Variants in CCSER1 observed in about 807,000 individuals in gnomAD.
CCSER1 encodes serine-rich coiled-coil domain-containing protein 1.
CCSER1 carries 41 observed loss-of-function variants against 82.0 expected under a neutral mutation model. The ratio of observed to expected loss-of-function variants is 0.50; its 90% CI spans 0.39 to 0.65. CCSER1 has a LOEUF of 0.65. Ranked by LOEUF, CCSER1 falls within the 30% of genes least tolerant of loss-of-function variation. CCSER1 has a pLI of 0.00. For synonymous variants in CCSER1, 414 were observed against 383.9 expected, an observed-to-expected ratio of 1.08 and a Z score of -0.92; for missense variants, 1,119 against 1,064.2, an observed-to-expected ratio of 1.05 and a Z score of -0.72.
At chr4:91,043,811 C>A (rs1434091347) in intron 9 of CCSER1, among the ~76,000 whole-genome samples, 2 of 152,084 alleles carry the variant, frequency 1.3e-5, no homozygotes, top group Non-Finnish European at 2.9e-5. Context: ...TAGTCTCAAA[C>A]CCCTGACCTC....
intron 6 of CCSER1, among the ~76,000 whole-genome samples, chr4:90,656,546 TTA>T (rs1729737004): frequency 6.6e-6 from 1 of 151,928 alleles, no homozygotes; most frequent in South Asian, 2.1e-4. Context: ...TTGCTCATTT[TTA>T]TATGTCTCTA....
At chr4:90,589,910 A>G (rs1424259144) in intron 5 of CCSER1, among the ~76,000 whole-genome samples, 1 of 152,216 alleles carries the variant, frequency 6.6e-6, no homozygotes, top group Non-Finnish European at 1.5e-5. Context: ...ACTTCAGATC[A>G]CTGGAATATC....
intron 8 of CCSER1, among the ~76,000 whole-genome samples, chr4:90,839,505 C>G (rs576648329): frequency 6.6e-6 from 1 of 152,282 alleles, no homozygotes; most frequent in East Asian, 1.9e-4. Flanking sequence ...TTCATTGTTG[C>G]ATCGTACCCA....
intron 10 of CCSER1, among the ~76,000 whole-genome samples, chr4:91,262,092 A>G (rs932838927): frequency 6.6e-6 from 1 of 152,100 alleles, no homozygotes; most frequent in Non-Finnish European, 1.5e-5. Flanking sequence ...TAATATATAA[A>G]AAGTACTTAT....
intron 8 of CCSER1, among the ~76,000 whole-genome samples, chr4:90,916,207 G>A (rs1178203302): frequency 6.6e-6 from 1 of 152,074 alleles, no homozygotes; most frequent in East Asian, 1.9e-4. Context: ...GCATTGCCAA[G>A]TCAATCCTAA....
chr4:90,342,013 A>G (rs1214258738), intron 3 of CCSER1, among the ~76,000 whole-genome samples: 1 of 152,180 alleles, frequency 6.6e-6, no homozygotes, highest in Admixed American at 6.5e-5. Flanking sequence ...CCCTTGAGGT[A>G]CCGAAAATCT....
At chr4:90,884,270 T>G (rs907578782) in intron 8 of CCSER1, among the ~76,000 whole-genome samples, 2 of 152,154 alleles carry the variant, frequency 1.3e-5, no homozygotes, top group Non-Finnish European at 1.5e-5. Context: ...TCTACAAAAG[T>G]ATTTATTTTA....
intron 4 of CCSER1, among the ~76,000 whole-genome samples, chr4:90,417,580 T>A (rs1252817879): frequency 2.0e-5 from 3 of 152,166 alleles, no homozygotes; most frequent in Non-Finnish European, 2.9e-5. Context: ...ATTTATTTAG[T>A]ATATTAGATC....
At chr4:91,076,062 T>C (rs767502736) in intron 9 of CCSER1, among the ~76,000 whole-genome samples, 1 of 152,166 alleles carries the variant, frequency 6.6e-6, no homozygotes, top group African/African-American at 2.4e-5. Flanking sequence ...ATCATAGAAT[T>C]AATGAATCTT....
intron 10 of CCSER1, among the ~76,000 whole-genome samples, chr4:91,253,653 A>G (rs1245243362): frequency 2.6e-5 from 4 of 152,198 alleles, no homozygotes; most frequent in Non-Finnish European, 4.4e-5. Context: ...TAAACAAGAT[A>G]TAACAATTAT....
At chr4:90,963,793 G>T (rs1734272794) in intron 9 of CCSER1, among the ~76,000 whole-genome samples, 2 of 152,102 alleles carry the variant, frequency 1.3e-5, no homozygotes, top group South Asian at 4.1e-4. Flanking sequence ...GTATTTTGTT[G>T]TGGCTGCCTT....
At chr4:90,649,013 T>C (rs1728232887) in intron 6 of CCSER1, among the ~76,000 whole-genome samples, 1 of 152,192 alleles carries the variant, frequency 6.6e-6, no homozygotes, top group African/African-American at 2.4e-5. Context: ...CGATAAGGCT[T>C]GACAGCTTTG....
chr4:91,037,467 A>C (rs1398888444), intron 9 of CCSER1, among the ~76,000 whole-genome samples: 2 of 152,168 alleles, frequency 1.3e-5, no homozygotes, highest in African/African-American at 4.8e-5. Context: ...GGATTGGAGG[A>C]CAAAGCAATC....
At chr4:90,738,789 G>C (rs78194043) in intron 7 of CCSER1, among the ~76,000 whole-genome samples, 178 of 152,202 alleles carry the variant, frequency 1.2e-3, no homozygotes, top group African/African-American at 4.2e-3. Flanking sequence ...GGCTGCTGTC[G>C]ATGTTCACTC....
intron 10 of CCSER1, among the ~76,000 whole-genome samples, chr4:91,112,214 C>T (rs1181379393): frequency 6.6e-6 from 1 of 152,028 alleles, no homozygotes; most frequent in Admixed American, 6.6e-5. Context: ...GAGGACAAGT[C>T]CAGTTTTTAT....
intron 6 of CCSER1, among the ~76,000 whole-genome samples, chr4:90,637,385 A>G (rs1447563800): frequency 6.6e-6 from 1 of 152,184 alleles, no homozygotes; most frequent in Non-Finnish European, 1.5e-5. Flanking sequence ...CTAGTCTCAG[A>G]AGTAATATAC....
chr4:90,343,264 C>T (rs757846988), intron 3 of CCSER1, among the ~76,000 whole-genome samples: 1 of 152,124 alleles, frequency 6.6e-6, no homozygotes, highest in Non-Finnish European at 1.5e-5. Context: ...TTAATTAAAA[C>T]TTCAGTCTGC....
At chr4:90,914,578 A>G (rs1726988678) in intron 8 of CCSER1, among the ~76,000 whole-genome samples, 1 of 152,176 alleles carries the variant, frequency 6.6e-6, no homozygotes, top group African/African-American at 2.4e-5. Flanking sequence ...CATCACAATT[A>G]AAAGAACTAG....
At chr4:91,117,487 C>T (rs1726719947) in intron 10 of CCSER1, among the ~76,000 whole-genome samples, 1 of 152,162 alleles carries the variant, frequency 6.6e-6, no homozygotes, top group South Asian at 2.1e-4. Flanking sequence ...AGAATAAGTA[C>T]TATGTAAATG....
Sources: gnomAD v4.1 joint callset for allele counts (sites outside exome capture counted in the v4.1 genomes callset) on GRCh38, gnomAD v4.1.1 for gene constraint, MANE v1.5 for transcripts, NCBI Gene and HGNC (gene_info 2026-07-23, HGNC 2026-07-21) for gene names.